The following FCGR3A variants were observed in gnomAD, a reference collection of about 807,000 sequenced individuals.
The protein encoded by FCGR3A is Fc gamma receptor IIIa.
Under a neutral mutation model 24.1 loss-of-function variants are expected in FCGR3A, and 13 were observed. The observed-to-expected ratio is 0.54, with a 90% CI of 0.35 to 0.86. The LOEUF is 0.86. Among genes scored for constraint, FCGR3A ranks in the 40% least tolerant of loss-of-function variants. The pLI is 0.01. For missense variants in FCGR3A, 235 were observed against 298.0 expected, an observed-to-expected ratio of 0.79 and a Z score of 1.56; for synonymous variants, 93 against 112.2, an observed-to-expected ratio of 0.83 and a Z score of 1.08.
chr1:161,544,337 C>A (rs1179880142), intron 4 of FCGR3A, among the ~76,000 whole-genome samples: 1 of 151,710 alleles, frequency 6.6e-6, no homozygotes, highest in Non-Finnish European at 1.5e-5. Context: ...CAGTTTGGAT[C>A]GTGGCTAAAA....
intron 3 of FCGR3A, among the ~76,000 whole-genome samples, chr1:161,547,160 T>C (rs1677454260): frequency 6.6e-6 from 1 of 152,128 alleles, no homozygotes; most frequent in Admixed American, 6.5e-5. Flanking sequence ...CTCTTGGTAA[T>C]TCCCCCATTT....
chr1:161,544,133 C>T (rs1456629867), intron 4 of FCGR3A, among the ~76,000 whole-genome samples: 1 of 151,964 alleles, frequency 6.6e-6, no homozygotes, highest in East Asian at 1.9e-4. Flanking sequence ...AAACCAGGTG[C>T]ATGTAAAGAA....
chr1:161,545,027 C>G, intron 3 of FCGR3A, 69 bp from the exon 4 acceptor site: 1 of 1,577,928 alleles, frequency 6.3e-7, no homozygotes, highest in Admixed American at 1.8e-5. Flanking sequence ...GAAGGGGCCA[C>G]GTACCACCCA....
upstream of FCGR3A, chr1:161,549,854 C>G (rs1478743415): frequency 6.2e-7 from 1 of 1,611,844 alleles, no homozygotes; most frequent in East Asian, 2.2e-5. Context: ...TCTCTGTCAC[C>G]CACCAATTTC....
At chr1:161,546,655 T>C (rs1315119000) in intron 3 of FCGR3A, among the ~76,000 whole-genome samples, 1 of 151,900 alleles carries the variant, frequency 6.6e-6, no homozygotes, top group Non-Finnish European at 1.5e-5. Flanking sequence ...TCTGTAATCC[T>C]AGTACTTTGG....
rs919953448 is a variant in FCGR3A, at chr1:161,544,744, A to G, written c.534T>C (p.Ser178=). 1 of 1,610,854 alleles carries G rather than the reference A, an allele frequency of 6.2e-7. No individual in the cohort carries two copies. Among genetic ancestry groups the G allele is most frequent in the African/African-American group, 1.3e-5 (1 of 74,786 alleles). Residue 178 remains serine, a synonymous_variant, in exon 4 of 5, where the codon AGT becomes AGC. Coordinates refer to ENST00000443193, the MANE Select transcript of FCGR3A (RefSeq NM_000569.8). ...GSYFCRGLFG[S]KNVSSETVNI... ...TCACAGTCTCTGAAGACACATTTTT[A>G]CTCCCAAAAAGCCCCCTGCAGAAGT...
In FCGR3A at chr1:161,544,752, A is replaced by C. The variant is rs396991; in HGVS notation, c.526T>G (p.Phe176Val). 493,612 of 1,544,462 alleles carry C rather than the reference A, an allele frequency of 0.32. 87,029 individuals carry two copies. The highest frequency in any genetic ancestry group is 0.43 in the Middle Eastern group (2,551 of 5,902). The change falls in exon 4 of 5, where the codon TTT becomes GTT. Residue 176 changes from phenylalanine (F) to valine (V), a missense_variant. Phe to Val is a conservative substitution (Grantham distance 50). Coordinates refer to ENST00000443193, the MANE Select transcript of FCGR3A (RefSeq NM_000569.8). The part of the protein sequence containing the change: ...DSGSYFCRGL[F>V]GSKNVSSETV... ...TCTGAAGACACATTTTTACTCCCAAAAAGCCCCCTGCAGAAGTAGGAGCCG... is the reference window on the plus strand; with the variant it reads ...TCTGAAGACACATTTTTACTCCCAACAAGCCCCCTGCAGAAGTAGGAGCCG...
At chr1:161,548,233 G>C (rs1475333982) in intron 3 of FCGR3A, among the ~76,000 whole-genome samples, 188 bp downstream of exon 3, 3 of 152,292 alleles carry the variant, frequency 2.0e-5, no homozygotes, top group Non-Finnish European at 4.4e-5. Flanking sequence ...TGTCTGACAG[G>C]CTTTGACATT....
chr1:161,544,561 C>T, intron 4 of FCGR3A, 140 bp downstream of exon 4: 1 of 864,536 alleles, frequency 1.2e-6, no homozygotes, highest in Non-Finnish European at 1.8e-6. Flanking sequence ...TTGGGGACCT[C>T]CTGGTGATCA....
At chr1:161,546,294 T>C (rs956084974) in intron 3 of FCGR3A, among the ~76,000 whole-genome samples, 2 of 152,066 alleles carry the variant, frequency 1.3e-5, no homozygotes, top group African/African-American at 4.8e-5. Flanking sequence ...CATAAAGTCA[T>C]GGTTAGTATA....
chr1:161,549,083 A>T, intron 1 of FCGR3A, 52 bp from the exon 2 acceptor site: 1 of 1,510,568 alleles, frequency 6.6e-7, no homozygotes, highest in African/African-American at 1.4e-5. Flanking sequence ...GATCAGAGTG[A>T]TTAGAACATA....
At chr1:161,544,636 C>T in intron 4 of FCGR3A, 65 bp downstream of exon 4, 1 of 1,578,816 alleles carries the variant, frequency 6.3e-7, no homozygotes, top group Non-Finnish European at 8.6e-7. Context: ...AACTCAACTT[C>T]CCAGTGTGAT....
intron 3 of FCGR3A, chr1:161,545,614 G>A (rs1572015786): frequency 6.6e-6 from 1 of 151,682 alleles, no homozygotes; most frequent in Admixed American, 6.6e-5. Context: ...GGAAATTCTT[G>A]TATCGCCAGA....
At chr1:161,545,243 A>AT (rs1677335586) in intron 3 of FCGR3A, among the ~76,000 whole-genome samples, 1 of 152,156 alleles carries the variant, frequency 6.6e-6, no homozygotes, top group Non-Finnish European at 1.5e-5. Flanking sequence ...AACGATGAGC[A>AT]TATCTGCAGG....
chr1:161,542,363 G>T lies in FCGR3A; in HGVS notation c.*649C>A, dbSNP rs1282708291. On this transcript the variant is annotated 3_prime_UTR_variant, in exon 5 of 5. Coordinates refer to ENST00000443193, the MANE Select transcript of FCGR3A (RefSeq NM_000569.8). ...AAGAGGACTCATCGTTATATACTTG[G>T]AGATGGTCCAGTTCTGATAGAGTCC... is the stretch of plus-strand genomic sequence containing the variant. 6.7e-6 allele frequency: 1 copy of T among 150,126 alleles called. No individual in the cohort carries two copies. The highest frequency in any genetic ancestry group is 1.9e-4 in the East Asian group (1 of 5,220). The allele number at this position is 150,126 out of a possible 1,614,324, so 9.3% of individuals were successfully genotyped here.
chr1:161,548,637 A>G lies in FCGR3A; in HGVS notation c.103T>C (p.Tyr35His). ...KAVVFLEPQWYRVLEKDSVTL... is the reference protein window; with the variant it reads ...KAVVFLEPQWHRVLEKDSVTL... ...ACACTGTCCTTCTCGAGCACCCTGT[A>G]CCATTGAGGCTCCAGGAACACCACA... Residue 35 changes from tyrosine (Y) to histidine (H), a missense_variant, in exon 3 of 5, where the codon TAC becomes CAC. Physicochemically the swap from Tyr to His is moderately conservative, Grantham distance 83. Transcript: ENST00000443193. The G allele has an allele frequency of 8.7e-6, 14 of 1,613,924 alleles. 1 individual carries two copies. The highest frequency in any genetic ancestry group is 1.1e-5 in the Non-Finnish European group (13 of 1,179,828).
At position 161,544,957 on chromosome 1, in the gene FCGR3A, G is replaced by C; in HGVS notation, c.321C>G (p.Gly107=). 1 of 1,601,460 alleles carries C rather than the reference G, an allele frequency of 6.2e-7. No homozygotes were observed. The highest frequency in any genetic ancestry group is 1.3e-5 in the African/African-American group (1 of 74,846). ...SDPVQLEVHI[G]WLLLQAPRWV... ...ACCGAGGGGCCTGGAGCAACAGCCAGCCTGAAAGACACAGACACCCCAGGC... is the reference window on the plus strand; with the variant it reads ...ACCGAGGGGCCTGGAGCAACAGCCACCCTGAAAGACACAGACACCCCAGGC... Residue 107 remains glycine (G), a splice_region_variant and synonymous_variant, in exon 4 of 5, where the codon GGC becomes GGG. Coordinates refer to ENST00000443193, the MANE Select transcript of FCGR3A (RefSeq NM_000569.8).
At chr1:161,550,629 T>A (rs1446723968), upstream of FCGR3A, 1 of 151,612 alleles carries the variant, frequency 6.6e-6, no homozygotes, top group Non-Finnish European at 1.5e-5. Context: ...GCTCCAGGGC[T>A]CCTTACCAGA....
At chr1:161,546,951 G>A (rs753560419) in intron 3 of FCGR3A, among the ~76,000 whole-genome samples, 1 of 151,826 alleles carries the variant, frequency 6.6e-6, no homozygotes. Context: ...AAAAAAAGAA[G>A]TAAAAAATGC....
Sources: allele counts gnomAD v4.1 joint callset (sites outside exome capture counted in the v4.1 genomes callset), GRCh38; gene constraint gnomAD v4.1.1; transcripts MANE v1.5; gene names NCBI Gene and HGNC (gene_info 2026-07-23, HGNC 2026-07-21).